Variants in DLGAP2 observed in about 807,000 individuals in gnomAD.
DLGAP2 encodes disks large-associated protein 2.
A neutral mutation model predicts 100.3 loss-of-function variants in DLGAP2; 26 were observed. That is an observed-to-expected ratio of 0.26 (90% CI 0.19 to 0.36). DLGAP2 has a LOEUF of 0.36. Ranked by LOEUF, DLGAP2 falls within the 10% of genes least tolerant of loss-of-function variation. The pLI is 1.00. For missense variants in DLGAP2, 1,858 were observed against 1,453.2 expected, an observed-to-expected ratio of 1.28 and a Z score of -4.53; for synonymous variants, 886 against 630.1, an observed-to-expected ratio of 1.41 and a Z score of -6.08.
At chr8:1,448,947 C>G (rs1798060568) in intron 3 of DLGAP2, among the ~76,000 whole-genome samples, 1 of 152,200 alleles carries the variant, frequency 6.6e-6, no homozygotes, top group African/African-American at 2.4e-5. Context: ...TTCAAGGAAG[C>G]AAAGTCTGTG....
chr8:1,113,758 C>T (rs1805032624), intron 2 of DLGAP2, among the ~76,000 whole-genome samples: 1 of 152,042 alleles, frequency 6.6e-6, no homozygotes, highest in Non-Finnish European at 1.5e-5. Flanking sequence ...TGAGAGTCGG[C>T]GTCCTTGTCT....
At position 1,333,681 on chromosome 8, in the gene DLGAP2, A is replaced by C. The variant is rs118016402; in HGVS notation, c.106+74798A>C. ...GTGCCGATGTAACCGCGGGCTCTCC[A>C]GGCAGGTCTGGACTTGCATATGTGA... On this transcript the variant is annotated intron_variant, in intron 3 of 14. Coordinates refer to ENST00000637795, the MANE Select transcript of DLGAP2 (RefSeq NM_001346810.2). Among the ~76,000 whole-genome samples, 292 of 152,324 alleles carry C rather than the reference A, an allele frequency of 1.9e-3. 12 individuals are homozygous for C. In the East Asian group the frequency reaches 0.049, roughly 25 times the overall value.
chr8:1,301,223 C>T (rs141430688), intron 3 of DLGAP2: 2,782 of 152,430 alleles, frequency 0.018, 31 homozygotes, highest in South Asian at 0.032. Context: ...CGATACCTGA[C>T]GTGGGAGCTG....
intron 2 of DLGAP2, among the ~76,000 whole-genome samples, chr8:1,036,612 C>G (rs1309765738): frequency 6.6e-6 from 1 of 152,088 alleles, no homozygotes; most frequent in African/African-American, 2.4e-5. Context: ...TAAGGGGAGG[C>G]CTGGCAGGCT....
chr8:1,516,870 A>T (rs1315946089), intron 4 of DLGAP2, among the ~76,000 whole-genome samples: 2 of 152,222 alleles, frequency 1.3e-5, no homozygotes, highest in African/African-American at 2.4e-5. Flanking sequence ...TAAGCAGGTG[A>T]AACTCCCTAC....
chr8:793,280 T>C (rs1159923912), intron 1 of DLGAP2, among the ~76,000 whole-genome samples: 1 of 152,236 alleles, frequency 6.6e-6, no homozygotes, highest in Non-Finnish European at 1.5e-5. Context: ...GAATCTCAAT[T>C]CAAAATGATT....
chr8:1,697,044 C>A, intron 13 of DLGAP2, 103 bp from the exon 14 acceptor site: 2 of 1,260,540 alleles, frequency 1.6e-6, no homozygotes, highest in Non-Finnish European at 1.0e-6. Flanking sequence ...CAGGCTTCTC[C>A]CTAATCCGCC....
intron 2 of DLGAP2, among the ~76,000 whole-genome samples, chr8:976,094 AAC>A (rs754767748): frequency 7.2e-5 from 11 of 152,214 alleles, no homozygotes; most frequent in South Asian, 4.1e-4. Flanking sequence ...AGATAAAATT[AAC>A]ACCAAAAATA....
intron 8 of DLGAP2, among the ~76,000 whole-genome samples, chr8:1,664,210 C>T (rs1193507421): frequency 3.3e-5 from 5 of 152,164 alleles, no homozygotes; most frequent in Admixed American, 3.3e-4. Context: ...GCCGTGTCAC[C>T]TGGCCCTTCC....
At chr8:1,631,322 G>A (rs916388722) in intron 7 of DLGAP2, among the ~76,000 whole-genome samples, 2 of 152,114 alleles carry the variant, frequency 1.3e-5, no homozygotes, top group African/African-American at 2.4e-5. Context: ...TTACAGAAGG[G>A]TGTCCACTGA....
At chr8:1,033,487 CA>C (rs1802031377) in intron 2 of DLGAP2, among the ~76,000 whole-genome samples, 1 of 152,116 alleles carries the variant, frequency 6.6e-6, no homozygotes. Flanking sequence ...GGCAACATGG[CA>C]AAACCCTATC....
At chr8:1,622,644 A>T (rs755916158) in intron 6 of DLGAP2, among the ~76,000 whole-genome samples, 1 of 152,182 alleles carries the variant, frequency 6.6e-6, no homozygotes. Flanking sequence ...GTGGATGACA[A>T]TCTAAGGGGA....
intron 2 of DLGAP2, among the ~76,000 whole-genome samples, chr8:928,879 C>G (rs916773613): frequency 6.6e-6 from 1 of 151,876 alleles, no homozygotes; most frequent in Non-Finnish European, 1.5e-5. Flanking sequence ...TGGGCTTACA[C>G]CAGGGTAGGG....
intron 6 of DLGAP2, among the ~76,000 whole-genome samples, chr8:1,581,815 C>G (rs1251172500): frequency 6.6e-6 from 1 of 151,108 alleles, no homozygotes; most frequent in Non-Finnish European, 1.5e-5. Flanking sequence ...CGTCTACACA[C>G]CACAGTCAAA....
intron 3 of DLGAP2, among the ~76,000 whole-genome samples, chr8:1,484,345 A>G (rs1238299058): frequency 1.3e-5 from 2 of 152,258 alleles, no homozygotes. Context: ...TAAAAAAGAA[A>G]ACATCCATGA....
intron 2 of DLGAP2, among the ~76,000 whole-genome samples, chr8:989,850 AC>A (rs1199231673): frequency 1.3e-5 from 2 of 152,146 alleles, no homozygotes; most frequent in Non-Finnish European, 2.9e-5. Flanking sequence ...GTCTCTCATG[AC>A]ACCAGCTGCT....
chr8:801,090 C>T (rs979001292), intron 1 of DLGAP2, among the ~76,000 whole-genome samples: 9 of 152,020 alleles, frequency 5.9e-5, no homozygotes, highest in African/African-American at 1.2e-4. Context: ...CACCACGCTG[C>T]GTGTTCACAG....
chr8:1,134,489 G>A (rs1284357474), intron 2 of DLGAP2, among the ~76,000 whole-genome samples: 1 of 101,134 alleles, frequency 9.9e-6, no homozygotes, highest in Non-Finnish European at 2.0e-5. Flanking sequence ...CACCTTGTAA[G>A]CATGTGTTAT....
chr8:1,642,100 G>A lies in DLGAP2; in HGVS notation c.1810+9054G>A, dbSNP rs112809542. On this transcript the variant is annotated intron_variant, in intron 8 of 14. Transcript: ENST00000637795. The stretch of plus-strand genomic sequence containing the variant: ...CACCTGTGTCACCCTCGAACCCGCC[G>A]GCCCTCACCTGTGTCACCCTCGACC... Among the ~76,000 whole-genome samples, 8 of 14,442 alleles carry A rather than the reference G, an allele frequency of 5.5e-4. 1 individual carries two copies. The highest frequency in any genetic ancestry group is 2.0e-3 in the African/African-American group (2 of 1,000). The allele number at this position is 14,442 out of a possible 152,430, so 9.5% of individuals were successfully genotyped here. A position where few individuals can be genotyped will look rare whatever the true frequency, so the allele number is the denominator to read the frequency against.
Sources: allele counts gnomAD v4.1 joint callset (sites outside exome capture counted in the v4.1 genomes callset), GRCh38; gene constraint gnomAD v4.1.1; transcripts MANE v1.5; gene names NCBI Gene and HGNC (gene_info 2026-07-23, HGNC 2026-07-21).